Variants in CDC25A observed in about 807,000 individuals in gnomAD.
CDC25A encodes M-phase inducer phosphatase 1.
In CDC25A, 17 loss-of-function variants were observed where a neutral mutation model predicts 64.6. The ratio of observed to expected loss-of-function variants is 0.26; its 90% confidence interval spans 0.18 to 0.39. The LOEUF (loss-of-function observed/expected upper bound fraction) is 0.39, where lower values mean the gene tolerates loss of function less well. Among genes scored for constraint, CDC25A ranks in the 10% least tolerant of loss-of-function variants. The pLI is 1.00. For missense variants in CDC25A, 473 were observed against 654.8 expected (o/e 0.72, Z 3.03); for synonymous variants, 229 against 238.6 (o/e 0.96, Z 0.37).
Position 48,164,411 on chromosome 3 carries a change from T to G in CDC25A, c.1218A>C (p.Glu406Asp). 2 of 1,595,094 alleles carry G rather than the reference T, an allele frequency of 1.3e-6. No individual in the cohort carries two copies. Among genetic ancestry groups the G allele is most frequent in the Non-Finnish European group, 1.7e-6 (2 of 1,172,810 alleles). The change falls in exon 13 of 15, where the codon GAA (glutamate) becomes GAC (aspartate). Residue 406 changes from glutamate (E) to aspartate (D), a missense_variant. Coordinates refer to ENST00000302506, the MANE Select transcript of CDC25A (RefSeq NM_001789.3). The stretch of plus-strand genomic sequence containing the variant: ...TCTTCAATAAGAAGTCTTCAACCTC[T>G]TCTTCCATGTGCAAGTTCACTGCAC... ...IKGAVNLHME[E>D]EVEDFLLKKP... is the part of the protein sequence containing the mutation.
Position 48,158,858 on chromosome 3 carries a change from G to C in CDC25A, c.*87C>G. ...CCCCCTCTCCAAATGTCACACAGCTGTCCCCTTTGCTTAAGTTTCTCTGCA... is the reference window on the plus strand; with the variant it reads ...CCCCCTCTCCAAATGTCACACAGCTCTCCCCTTTGCTTAAGTTTCTCTGCA... On this transcript the variant is annotated 3_prime_UTR_variant, in exon 15 of 15. Coordinates refer to ENST00000302506, the MANE Select transcript of CDC25A (RefSeq NM_001789.3). The C allele has an allele frequency of 6.7e-7, 1 of 1,497,190 alleles. No individual in the cohort carries two copies. Among genetic ancestry groups the C allele is most frequent in the Non-Finnish European group, 9.1e-7 (1 of 1,096,774 alleles). The allele number at this position is 1,497,190 out of a possible 1,614,324, so 92.7% of individuals were successfully genotyped here. A position where few individuals can be genotyped will look rare whatever the true frequency, so the allele number is the denominator to read the frequency against.
At chr3:48,161,966 C>T (rs1282933277) in intron 13 of CDC25A, among the ~76,000 whole-genome samples, 1 of 152,052 alleles carries the variant, frequency 6.6e-6, no homozygotes, top group Non-Finnish European at 1.5e-5. Flanking sequence ...GAGCCTGAGG[C>T]AGGAGAATTG....
intron 2 of CDC25A, among the ~76,000 whole-genome samples, chr3:48,185,822 G>A (rs1402787251): frequency 1.3e-5 from 2 of 152,172 alleles, no homozygotes; most frequent in Non-Finnish European, 2.9e-5. Context: ...CAGCCTTATG[G>A]AAAGTGAGGT....
At chr3:48,183,555 T>TA (rs2032743570) in intron 4 of CDC25A, among the ~76,000 whole-genome samples, 1 of 152,048 alleles carries the variant, frequency 6.6e-6, no homozygotes, top group Non-Finnish European at 1.5e-5. Context: ...TGTGCACCTA[T>TA]ATATAGTCCC....
chr3:48,187,687 G>T, intron 1 of CDC25A, 91 bp downstream of exon 1: 1 of 1,281,460 alleles, frequency 7.8e-7, no homozygotes, highest in Non-Finnish European at 1.1e-6. Flanking sequence ...GACGGGTCTC[G>T]CCCTTCTCCC....
In CDC25A at chr3:48,183,005, G is replaced by A. The variant is rs758971374; in HGVS notation, c.353C>T (p.Ala118Val). 7 of 1,612,514 alleles carry A rather than the reference G, an allele frequency of 4.3e-6. No individual in the cohort carries two copies. The highest frequency in any genetic ancestry group is 5.1e-6 in the Non-Finnish European group (6 of 1,178,514). The change falls in exon 5 of 15, where the codon GCT becomes GTT. Residue 118 changes from alanine (A) to valine (V), a missense_variant. By Grantham distance (64) the Ala-to-Val change is moderately conservative. Transcript: ENST00000302506. The part of the protein sequence containing the change: ...LPQKLLGCSP[A>V]LKRSHSDSLD... ...AGAATCAGAATGGCTCCTCTTCAGA[G>A]CTGGACTACATCCCAACAGCTTCTG...
chr3:48,167,710 T>C, intron 10 of CDC25A, 136 bp downstream of exon 10: 1 of 613,638 alleles, frequency 1.6e-6, no homozygotes, highest in East Asian at 2.7e-5. Flanking sequence ...TTTGCTTCCC[T>C]ACCTTTAACA....
At chr3:48,180,926 G>T in intron 5 of CDC25A, 86 bp from the exon 6 acceptor site, 7 of 1,305,464 alleles carry the variant, frequency 5.4e-6, no homozygotes, top group South Asian at 1.3e-5. Context: ...AGTGGGCACT[G>T]ATCACCTTTC....
chr3:48,160,468 T>C (rs1036492324), intron 13 of CDC25A, among the ~76,000 whole-genome samples: 7 of 149,098 alleles, frequency 4.7e-5, no homozygotes, highest in African/African-American at 9.9e-5. Context: ...TGGAGTGCAC[T>C]GGCGCGATCT....
In CDC25A at chr3:48,157,914, T is replaced by C. The variant is rs2031584219; in HGVS notation, c.*1031A>G. On this transcript the variant is annotated 3_prime_UTR_variant, in exon 15 of 15. Coordinates refer to ENST00000302506, the MANE Select transcript of CDC25A (RefSeq NM_001789.3). ...CATAATATGACCATTTTTTAAAAATTAGAAAATAAAAGCTATCAATATCAC... is the reference window on the plus strand; with the variant it reads ...CATAATATGACCATTTTTTAAAAATCAGAAAATAAAAGCTATCAATATCAC... 6.6e-6 allele frequency: 1 copy of C among 152,480 alleles called. No individual in the cohort carries two copies. The highest frequency in any genetic ancestry group is 2.4e-5 in the African/African-American group (1 of 41,414). The allele number at this position is 152,480 out of a possible 1,614,324, so 9.4% of individuals were successfully genotyped here. A position where few individuals can be genotyped will look rare whatever the true frequency, so the allele number is the denominator to read the frequency against.
At chr3:48,160,411 CTTTT>C (rs35304690) in intron 13 of CDC25A, among the ~76,000 whole-genome samples, 4 of 130,302 alleles carry the variant, frequency 3.1e-5, no homozygotes, top group African/African-American at 5.7e-5. Flanking sequence ...ACCCAGTCAC[CTTTT>C]TTTTTTTTTT....
intron 8 of CDC25A, 36 bp downstream of exon 8, chr3:48,177,335 C>T (rs761433140): frequency 2.0e-5 from 31 of 1,532,710 alleles, no homozygotes; most frequent in Non-Finnish European, 2.4e-5. Flanking sequence ...GCCCCAATCA[C>T]GCAGGGCTTC....
chr3:48,180,658 AAAG>A (rs1164996793), intron 6 of CDC25A, 60 bp downstream of exon 6: 64 of 1,575,610 alleles, frequency 4.1e-5, no homozygotes, highest in African/African-American at 6.8e-5. Flanking sequence ...ATTCTGGATG[AAAG>A]AAGGTGTTTT....
At chr3:48,165,279 T>C (rs891879350) in intron 12 of CDC25A, among the ~76,000 whole-genome samples, 6 of 152,036 alleles carry the variant, frequency 3.9e-5, no homozygotes, top group Admixed American at 3.9e-4. Context: ...CTTCTCCTCA[T>C]CAGGAGCCCT....
At chr3:48,162,784 C>T (rs1316062930) in intron 13 of CDC25A, among the ~76,000 whole-genome samples, 1 of 148,668 alleles carries the variant, frequency 6.7e-6, no homozygotes, top group African/African-American at 2.5e-5. Flanking sequence ...GGAGGCGGAG[C>T]TTGCAGTAAG....
chr3:48,159,468 AG>A lies in CDC25A; in HGVS notation c.1323-14del. On this transcript the variant is annotated splice_polypyrimidine_tract_variant and intron_variant, in intron 13 of 14. Coordinates refer to ENST00000302506, the MANE Select transcript of CDC25A (RefSeq NM_001789.3). ...CACATACCGGCACCTAGTCAGGGGA[AG>A]GAAGGCCAAAGCAGGGTTAGCTTTT... 6.3e-7 allele frequency: 1 copy of A among 1,591,908 alleles called. No individual in the cohort carries two copies. Among genetic ancestry groups the A allele is most frequent in the Non-Finnish European group, 8.6e-7 (1 of 1,160,034 alleles).
At chr3:48,176,892 A>G (rs1393307619) in intron 8 of CDC25A, among the ~76,000 whole-genome samples, 2 of 151,594 alleles carry the variant, frequency 1.3e-5, no homozygotes, top group African/African-American at 4.8e-5. Context: ...AATCACTTGA[A>G]CCTGGGAGGC....
intron 13 of CDC25A, 77 bp from the exon 14 acceptor site, chr3:48,159,532 T>C (rs2031660506): frequency 8.3e-6 from 8 of 961,056 alleles, no homozygotes; most frequent in Non-Finnish European, 1.3e-5. Context: ...AAAGCAGCAG[T>C]TGTGGTCTAA....
intron 2 of CDC25A, 141 bp downstream of exon 2, chr3:48,186,560 ACT>A (rs2032851048): frequency 7.4e-6 from 4 of 538,906 alleles, no homozygotes; most frequent in South Asian, 2.1e-5. Flanking sequence ...CAAGAGCGAA[ACT>A]CTGTCTCAAA....
Sources: allele counts gnomAD v4.1 joint callset (sites outside exome capture counted in the v4.1 genomes callset), GRCh38; gene constraint gnomAD v4.1.1; transcripts MANE v1.5; gene names NCBI Gene and HGNC (gene_info 2026-07-23, HGNC 2026-07-21).